Variants in PSD3 observed in about 807,000 individuals in gnomAD.
PSD3 encodes the protein pleckstrin and Sec7 domain containing 3.
In PSD3, 49 loss-of-function variants were observed where a neutral mutation model predicts 105.5. That is an observed-to-expected ratio of 0.46 (90% CI 0.37 to 0.59). The LOEUF (loss-of-function observed/expected upper bound fraction) is 0.59. Among genes scored for constraint, PSD3 ranks in the 20% least tolerant of loss-of-function variants. The pLI is 0.00. For missense variants in PSD3, 1,561 were observed against 1,263.8 expected, an observed-to-expected ratio of 1.24 and a Z score of -3.57; for synonymous variants, 557 against 457.8, an observed-to-expected ratio of 1.22 and a Z score of -2.77.
intron 1 of PSD3, among the ~76,000 whole-genome samples, chr8:19,029,038 C>T (rs1458130034): frequency 6.6e-6 from 1 of 152,134 alleles, no homozygotes; most frequent in Non-Finnish European, 1.5e-5. Flanking sequence ...TCTATACTTA[C>T]AATAATGCAA....
chr8:18,971,655 T>C (rs535926095), intron 1 of PSD3, among the ~76,000 whole-genome samples: 35 of 152,200 alleles, frequency 2.3e-4, no homozygotes, highest in African/African-American at 8.2e-4. Context: ...AAAAAGATAA[T>C]TCTGCCATGG....
chr8:18,620,455 A>T (rs1048824438), intron 11 of PSD3, among the ~76,000 whole-genome samples: 2 of 151,552 alleles, frequency 1.3e-5, no homozygotes, highest in Non-Finnish European at 1.5e-5. Flanking sequence ...TACACCTGTA[A>T]TCCCAGCACT....
chr8:18,834,841 G>A (rs1336562835), intron 4 of PSD3, among the ~76,000 whole-genome samples: 1 of 152,112 alleles, frequency 6.6e-6, no homozygotes, highest in East Asian at 1.9e-4. Flanking sequence ...TAAACCCAAC[G>A]CCTGTGACAT....
chr8:18,734,728 G>C (rs1175972068), intron 9 of PSD3, among the ~76,000 whole-genome samples: 1 of 152,172 alleles, frequency 6.6e-6, no homozygotes, highest in Admixed American at 6.5e-5. Flanking sequence ...ATATCTTCAA[G>C]ACCCTCTCCA....
At chr8:19,079,272 C>T (rs11785313) in intron 1 of PSD3, among the ~76,000 whole-genome samples, 23,888 of 152,092 alleles carry the variant, frequency 0.16, 2,119 homozygotes, top group African/African-American at 0.24. Flanking sequence ...TCAAAACCAA[C>T]GTAGCGTAAA....
intron 10 of PSD3, among the ~76,000 whole-genome samples, chr8:18,641,144 G>A (rs1400245516): frequency 6.6e-6 from 1 of 152,186 alleles, no homozygotes; most frequent in African/African-American, 2.4e-5. Flanking sequence ...AAGGGTAGGG[G>A]TTATAAATCA....
chr8:19,006,763 C>A (rs982401954), intron 1 of PSD3, among the ~76,000 whole-genome samples: 2 of 152,096 alleles, frequency 1.3e-5, no homozygotes, highest in South Asian at 4.2e-4. Flanking sequence ...CTTGCCAATA[C>A]AGATGCTATT....
intron 4 of PSD3, among the ~76,000 whole-genome samples, chr8:18,809,736 G>C (rs764690): frequency 6.6e-6 from 1 of 151,950 alleles, no homozygotes; most frequent in Admixed American, 6.6e-5. Flanking sequence ...TTCACAATTA[G>C]AATCCTTCTG....
intron 9 of PSD3, among the ~76,000 whole-genome samples, chr8:18,664,531 A>C (rs1378336419): frequency 2.0e-5 from 3 of 152,234 alleles, no homozygotes; most frequent in African/African-American, 7.2e-5. Context: ...GTTTAAGGAA[A>C]GAAGCAGACC....
At chr8:18,639,102 G>A (rs1195684974) in intron 10 of PSD3, among the ~76,000 whole-genome samples, 1 of 152,176 alleles carries the variant, frequency 6.6e-6, no homozygotes, top group Non-Finnish European at 1.5e-5. Context: ...CTACAGACAG[G>A]CCAGAATATT....
intron 9 of PSD3, among the ~76,000 whole-genome samples, chr8:18,743,959 T>TCACCACCACCCC (rs1804782479): frequency 7.2e-6 from 1 of 138,814 alleles, no homozygotes; most frequent in African/African-American, 3.0e-5. Context: ...ACTCTGTCTC[T>TCACCACCACCCC]CACCACCACC....
At chr8:18,965,690 A>C (rs1169356438) in intron 1 of PSD3, among the ~76,000 whole-genome samples, 1 of 152,260 alleles carries the variant, frequency 6.6e-6, no homozygotes, top group Non-Finnish European at 1.5e-5. Flanking sequence ...CTGTAGGTCA[A>C]GCTTGCAAGA....
intron 2 of PSD3, among the ~76,000 whole-genome samples, chr8:18,879,017 C>T (rs980613169): frequency 2.7e-5 from 4 of 149,456 alleles, no homozygotes; most frequent in Non-Finnish European, 5.9e-5. Flanking sequence ...CAACTGCCCT[C>T]TGGAAAAAAC....
chr8:18,964,389 G>A (rs1262759180), intron 1 of PSD3, among the ~76,000 whole-genome samples: 2 of 152,108 alleles, frequency 1.3e-5, no homozygotes, highest in African/African-American at 4.8e-5. Context: ...CTCCCAAAGT[G>A]CTGGGATTAC....
chr8:18,589,277 G>C (rs1364411297), intron 12 of PSD3, among the ~76,000 whole-genome samples: 2 of 152,146 alleles, frequency 1.3e-5, no homozygotes, highest in African/African-American at 4.8e-5. Flanking sequence ...TAAGAGCATG[G>C]ATAATCTCCA....
At chr8:18,850,110 T>C (rs1235055959) in intron 4 of PSD3, among the ~76,000 whole-genome samples, 1 of 152,240 alleles carries the variant, frequency 6.6e-6, no homozygotes, top group African/African-American at 2.4e-5. Flanking sequence ...TACTTCTCTG[T>C]TCAACAACAT....
intron 4 of PSD3, among the ~76,000 whole-genome samples, chr8:18,848,778 G>C (rs1230075180): frequency 6.6e-6 from 1 of 152,204 alleles, no homozygotes; most frequent in South Asian, 2.1e-4. Flanking sequence ...ACTCACCCTA[G>C]GTTGGGGCGG....
intron 9 of PSD3, among the ~76,000 whole-genome samples, chr8:18,747,698 C>G (rs186381389): frequency 6.6e-6 from 1 of 152,204 alleles, no homozygotes; most frequent in East Asian, 1.9e-4. Context: ...GTAGTGCTTC[C>G]TTTCCAGCTG....
intron 9 of PSD3, among the ~76,000 whole-genome samples, chr8:18,722,386 C>A (rs1803044428): frequency 6.6e-6 from 1 of 152,054 alleles, no homozygotes; most frequent in Non-Finnish European, 1.5e-5. Context: ...TATCCATGTT[C>A]TTATATGTTC....
Sources: allele counts gnomAD v4.1 joint callset (sites outside exome capture counted in the v4.1 genomes callset), GRCh38; gene constraint gnomAD v4.1.1; transcripts MANE v1.5; gene names NCBI Gene and HGNC (gene_info 2026-07-23, HGNC 2026-07-21).